The following GALNT11 variants were observed in gnomAD, a reference collection of about 807,000 sequenced individuals.
GALNT11 encodes the protein polypeptide N-acetylgalactosaminyltransferase 11, also known as UDP-GalNAc:polypeptide N-acetylgalactosaminyltransferase 11.
Under a neutral mutation model 72.7 loss-of-function variants are expected in GALNT11, and 47 were observed. The ratio of observed to expected loss-of-function variants is 0.65; its 90% CI spans 0.51 to 0.82. The LOEUF (loss-of-function observed/expected upper bound fraction) is 0.82, where lower values mean the gene tolerates loss of function less well. Among genes scored for constraint, GALNT11 ranks in the 40% least tolerant of loss-of-function variants. The pLI, the probability that GALNT11 is intolerant of heterozygous loss-of-function variation, is 0.00. For missense variants in GALNT11, 677 were observed against 778.4 expected, an observed-to-expected ratio of 0.87 and a Z score of 1.55; for synonymous variants, 270 against 286.6, an observed-to-expected ratio of 0.94 and a Z score of 0.58.
intron 8 of GALNT11, among the ~76,000 whole-genome samples, chr7:152,116,519 G>A (rs2088871567): frequency 6.6e-6 from 1 of 152,206 alleles, no homozygotes; most frequent in Non-Finnish European, 1.5e-5. Flanking sequence ...GATTACAAGT[G>A]TGAGCCACTG....
intron 1 of GALNT11, among the ~76,000 whole-genome samples, chr7:152,045,886 GT>G (rs754826494): frequency 6.6e-6 from 1 of 151,760 alleles, no homozygotes; most frequent in Non-Finnish European, 1.5e-5. Context: ...TAATTAGGTG[GT>G]TTATTTGGAG....
chr7:152,077,337 G>C (rs1284009490), intron 1 of GALNT11, among the ~76,000 whole-genome samples: 3 of 152,194 alleles, frequency 2.0e-5, no homozygotes, highest in African/African-American at 7.2e-5. Flanking sequence ...AGAGACGTGA[G>C]CCTCTGACCC....
intron 1 of GALNT11, among the ~76,000 whole-genome samples, chr7:152,055,495 T>G (rs1587036285): frequency 6.6e-6 from 1 of 151,018 alleles, no homozygotes; most frequent in African/African-American, 2.4e-5. Context: ...CATAATAAGT[T>G]ACGAGGTATT....
chr7:152,037,888 C>T (rs1186673899), intron 1 of GALNT11, among the ~76,000 whole-genome samples: 2 of 152,058 alleles, frequency 1.3e-5, no homozygotes, highest in African/African-American at 4.8e-5. Context: ...CCTGCCTCAG[C>T]CTCCTGAGGA....
chr7:152,046,257 GAGA>G (rs2083117932), intron 1 of GALNT11, among the ~76,000 whole-genome samples: 2 of 152,098 alleles, frequency 1.3e-5, no homozygotes. Context: ...ATGTGTTGAG[GAGA>G]AGAATGCATA....
chr7:152,064,801 A>T (rs2129002770), intron 1 of GALNT11, among the ~76,000 whole-genome samples: 1 of 152,320 alleles, frequency 6.6e-6, no homozygotes, highest in Non-Finnish European at 1.5e-5. Context: ...TCTGGCTTGT[A>T]GAGTTTCTGC....
At position 152,108,207 on chromosome 7, in the gene GALNT11, C is replaced by T. The variant is rs752198002; in HGVS notation, c.882C>T (p.Phe294=). The change falls in exon 6 of 12, where the codon TTC becomes TTT. Residue 294 remains phenylalanine, a synonymous_variant. Transcript: ENST00000430044. ...YSSSPVVRGG[F]NWGLHFKWDL... The stretch of plus-strand genomic sequence containing the variant: ...CGTCCCCTGTCGTCCGCGGAGGGTT[C>T]AACTGGGGACTGCACTTCAAATGGG... The T allele has an allele frequency of 2.5e-6, 4 of 1,614,186 alleles. No individual in the cohort carries two copies. Among genetic ancestry groups the T allele is most frequent in the African/African-American group, 1.3e-5 (1 of 75,042 alleles).
intron 1 of GALNT11, among the ~76,000 whole-genome samples, chr7:152,046,241 T>G (rs770024610): frequency 6.6e-6 from 1 of 152,142 alleles, no homozygotes; most frequent in Non-Finnish European, 1.5e-5. Flanking sequence ...TCCTTGAGGA[T>G]GATCTATGTG....
intron 1 of GALNT11, chr7:152,074,208 A>C (rs2084822972): frequency 6.6e-6 from 1 of 152,166 alleles, no homozygotes; most frequent in African/African-American, 2.4e-5. Flanking sequence ...TATTCATAAA[A>C]TATTTTCCCA....
At chr7:152,050,407 C>G (rs1030547399) in intron 1 of GALNT11, among the ~76,000 whole-genome samples, 3 of 152,202 alleles carry the variant, frequency 2.0e-5, no homozygotes. Flanking sequence ...GAAATGTTAT[C>G]TGGGACATTT....
At chr7:152,031,595 A>G (rs1435818594) in intron 1 of GALNT11, among the ~76,000 whole-genome samples, 1 of 152,194 alleles carries the variant, frequency 6.6e-6, no homozygotes, top group African/African-American at 2.4e-5. Context: ...CTACCCTTAA[A>G]CAGTGAGGCC....
chr7:152,053,172 A>G (rs1318171777), intron 1 of GALNT11, among the ~76,000 whole-genome samples: 1 of 152,148 alleles, frequency 6.6e-6, no homozygotes, highest in Admixed American at 6.6e-5. Context: ...TCTCCCTAAG[A>G]TATATTTGCT....
intron 6 of GALNT11, among the ~76,000 whole-genome samples, chr7:152,109,778 T>C (rs184416911): frequency 5.7e-4 from 87 of 152,314 alleles, no homozygotes; most frequent in Non-Finnish European, 7.6e-4. Context: ...CAGAGATAAT[T>C]TTGCTTCTCT....
chr7:152,078,160 T>C (rs756550320), intron 1 of GALNT11, among the ~76,000 whole-genome samples: 51 of 151,920 alleles, frequency 3.4e-4, no homozygotes, highest in Admixed American at 5.2e-4. Context: ...AAGTCTGACA[T>C]ACGTGATTTG....
At chr7:152,093,235 GAAA>G (rs779508496) in intron 1 of GALNT11, among the ~76,000 whole-genome samples, 1 of 109,956 alleles carries the variant, frequency 9.1e-6, no homozygotes, top group African/African-American at 3.2e-5. Context: ...TCTTAAAAAG[GAAA>G]AAAAAAAAAA....
chr7:152,112,355 A>T (rs1248094081), intron 7 of GALNT11, among the ~76,000 whole-genome samples: 1 of 152,176 alleles, frequency 6.6e-6, no homozygotes, highest in African/African-American at 2.4e-5. Flanking sequence ...CCTGGCCAAC[A>T]TGGTGAAACC....
intron 1 of GALNT11, among the ~76,000 whole-genome samples, chr7:152,054,304 G>T (rs2152037626): frequency 6.6e-6 from 1 of 151,478 alleles, no homozygotes; most frequent in South Asian, 2.1e-4. Context: ...TATTTTAAAA[G>T]AGAAAGCATA....
chr7:152,108,270 A>C lies in GALNT11; in HGVS notation c.945A>C (p.Gly315=), dbSNP rs1292486635. 6.2e-7 allele frequency: 1 copy of C among 1,611,840 alleles called. No individual in the cohort carries two copies. The highest frequency in any genetic ancestry group is 1.1e-5 in the South Asian group (1 of 91,020). The change falls in exon 6 of 12, where the codon GGA becomes GGC. Residue 315 remains glycine (G), a synonymous_variant. Coordinates refer to ENST00000430044, the MANE Select transcript of GALNT11 (RefSeq NM_022087.4). ...VPLSELGRAE[G]ATAPIKSPTM... ...TTTCTGAGCTAGGACGAGCGGAGGG[A>C]GCCACTGCACCAATAAAGTAAGATC...
chr7:152,031,307 G>A (rs997542010), intron 1 of GALNT11, among the ~76,000 whole-genome samples: 2 of 152,202 alleles, frequency 1.3e-5, no homozygotes, highest in African/African-American at 4.8e-5. Flanking sequence ...GGTCATCTCA[G>A]GCAGCATAAG....
Sources: gnomAD v4.1 joint callset for allele counts (sites outside exome capture counted in the v4.1 genomes callset) on GRCh38, gnomAD v4.1.1 for gene constraint, MANE v1.5 for transcripts, NCBI Gene and HGNC (gene_info 2026-07-23, HGNC 2026-07-21) for gene names.